The following MCM9 variants were observed in gnomAD, a reference collection of about 807,000 sequenced individuals.
MCM9 encodes the protein minichromosome maintenance 9 homologous recombination repair factor.
In MCM9, 55 loss-of-function variants were observed where a neutral mutation model predicts 72.8. The ratio of observed to expected loss-of-function variants is 0.76; its 90% CI spans 0.61 to 0.95. MCM9 has a LOEUF of 0.95. Among genes scored for constraint, MCM9 ranks in the 40% least tolerant of loss-of-function variants. The pLI, the probability that MCM9 is intolerant of heterozygous loss-of-function variation, is 0.00. For missense variants in MCM9, 1,279 were observed against 1,377.0 expected (o/e 0.93, Z 1.13); for synonymous variants, 480 against 503.4 (o/e 0.95, Z 0.62).
At chr6:118,900,917 T>C (rs1170337317) in intron 8 of MCM9, 4 of 1,378,396 alleles carry the variant, frequency 2.9e-6, no homozygotes, top group Non-Finnish European at 3.1e-6. Context: ...ATGCCAAATA[T>C]GTTTCGAAGT....
intron 8 of MCM9, among the ~76,000 whole-genome samples, chr6:118,891,841 C>T (rs1778965986): frequency 6.6e-6 from 1 of 152,170 alleles, no homozygotes; most frequent in Non-Finnish European, 1.5e-5. Flanking sequence ...GCCATCCTTC[C>T]CCCAAGTAAC....
chr6:118,843,767 CCAGT>C (rs1342812116), intron 9 of MCM9, among the ~76,000 whole-genome samples: 1 of 139,126 alleles, frequency 7.2e-6, no homozygotes, highest in African/African-American at 2.7e-5. Flanking sequence ...GCCTTGGAGA[CCAGT>C]CAGATATTCT....
At chr6:118,828,735 A>G (rs1264187190) in intron 10 of MCM9, among the ~76,000 whole-genome samples, 1 of 152,198 alleles carries the variant, frequency 6.6e-6, no homozygotes, top group Non-Finnish European at 1.5e-5. Flanking sequence ...TTGTTTCACA[A>G]TTCATTCTGG....
At chr6:118,913,078 T>C (rs1295148005) in intron 7 of MCM9, 3 of 529,906 alleles carry the variant, frequency 5.7e-6, no homozygotes, top group Admixed American at 3.4e-5. Flanking sequence ...GTATATGCCA[T>C]AGAAAAATGT....
intron 9 of MCM9, among the ~76,000 whole-genome samples, chr6:118,851,622 T>A (rs1197116056): frequency 6.6e-6 from 1 of 151,866 alleles, no homozygotes; most frequent in African/African-American, 2.4e-5. Flanking sequence ...TATAGTAATC[T>A]TTAAATGAAA....
At chr6:118,907,434 G>A in intron 8 of MCM9, 9 of 1,608,976 alleles carry the variant, frequency 5.6e-6, no homozygotes, top group Non-Finnish European at 7.6e-6. Context: ...CTAATCCCAG[G>A]GTCACAAGAT....
rs147005716 is a variant in MCM9 at position 118,912,046 on chromosome 6, C to T, written c.1031-277G>A. 1,784 of 203,878 alleles carry T rather than the reference C, an allele frequency of 8.8e-3. 19 individuals carry two copies. Among genetic ancestry groups the T allele is most frequent in the South Asian group, 0.028 (208 of 7,482 alleles). 12.6% of individuals were successfully genotyped at this position (203,878 alleles called of 1,614,324 possible). ...TTTAAAAAATATCTGGGGCCAGGTG[C>T]GGTGGCTCACACTTGTAATCCCAGC... On this transcript the variant is annotated intron_variant, in intron 7 of 13. Coordinates refer to ENST00000619706, the MANE Select transcript of MCM9 (RefSeq NM_017696.3).
rs1034462457 is a variant in MCM9 at position 118,832,065 on chromosome 6, C to G, written c.1326-2815G>C. On this transcript the variant is annotated intron_variant, in intron 9 of 13. Transcript: ENST00000619706. The stretch of plus-strand genomic sequence containing the variant: ...TTTCGGCATCAACTTATTTGCCTTA[C>G]TTATTTTTTTTAAAAGACATGGTCT... 2.6e-5 allele frequency among the ~76,000 whole-genome samples: 4 copies of G among 152,122 alleles called. 1 individual carries two copies. The highest frequency in any genetic ancestry group is 5.9e-5 in the Non-Finnish European group (4 of 68,020).
intron 8 of MCM9, among the ~76,000 whole-genome samples, chr6:118,872,318 C>CCA (rs1554258892): frequency 1.4e-5 from 2 of 140,048 alleles, no homozygotes; most frequent in Non-Finnish European, 3.1e-5. Flanking sequence ...GACTCCATCT[C>CCA]AAAAAAAAAA....
At chr6:118,912,823 G>A in intron 7 of MCM9, 1 of 155,180 alleles carries the variant, frequency 6.4e-6, no homozygotes, top group Non-Finnish European at 1.4e-5. Flanking sequence ...ACCTGCAGCA[G>A]CACCCCATGG....
chr6:118,841,670 G>A (rs145672351), intron 9 of MCM9, among the ~76,000 whole-genome samples: 2 of 152,244 alleles, frequency 1.3e-5, no homozygotes, highest in East Asian at 3.9e-4. Flanking sequence ...TAGAATCACA[G>A]TATACAATAA....
rs1773364957 is a variant in MCM9 at position 118,815,629 on chromosome 6, G to A, written c.2627C>T (p.Pro876Leu). Residue 876 changes from proline (P) to leucine (L), a missense_variant, in exon 14 of 14, where the codon CCT becomes CTT. Coordinates refer to ENST00000619706, the MANE Select transcript of MCM9 (RefSeq NM_017696.3). ...TGGGCTATGTACAGGAGTGGACTGA[G>A]GATGGGAAGGGACTGTGCACTGTGC... ...VPAQCTVPSHPQSTPVHSPDR... is the reference protein window; with the variant it reads ...VPAQCTVPSHLQSTPVHSPDR... 2.6e-6 allele frequency: 4 copies of A among 1,550,476 alleles called. No homozygotes were observed. In the East Asian group the frequency reaches 9.8e-5, roughly 38 times the overall value.
intron 8 of MCM9, among the ~76,000 whole-genome samples, chr6:118,890,928 G>A (rs1488477293): frequency 6.6e-6 from 1 of 152,184 alleles, no homozygotes; most frequent in African/African-American, 2.4e-5. Context: ...TTGAACAAAA[G>A]CTAGAGGTTA....
At chr6:118,872,434 T>A (rs924357906) in intron 8 of MCM9, among the ~76,000 whole-genome samples, 1 of 151,654 alleles carries the variant, frequency 6.6e-6, no homozygotes, top group African/African-American at 2.4e-5. Flanking sequence ...CAAGAGAAAT[T>A]TAAAAACATT....
At chr6:118,883,663 G>C (rs1778432177) in intron 8 of MCM9, among the ~76,000 whole-genome samples, 1 of 151,872 alleles carries the variant, frequency 6.6e-6, no homozygotes, top group Non-Finnish European at 1.5e-5. Flanking sequence ...GTGGAGGCCA[G>C]AGGCAGTGGG....
At chr6:118,826,886 G>GT (rs1466797301) in intron 11 of MCM9, 22 bp from the exon 12 acceptor site, 1 of 1,536,504 alleles carries the variant, frequency 6.5e-7, no homozygotes, top group Non-Finnish European at 8.8e-7. Context: ...AAACACATTT[G>GT]TTTTTTAGGA....
At chr6:118,931,812 G>A (rs1782463239) in intron 2 of MCM9, 74 bp from the exon 3 acceptor site, 5 of 1,146,914 alleles carry the variant, frequency 4.4e-6, no homozygotes, top group Non-Finnish European at 6.0e-6. Flanking sequence ...AAAACGATTG[G>A]TTATAAATCA....
chr6:118,847,607 T>C (rs74220902), intron 9 of MCM9, among the ~76,000 whole-genome samples: 26,005 of 150,510 alleles, frequency 0.17, 2,605 homozygotes, highest in African/African-American at 0.22. Flanking sequence ...CTAGGAAAAA[T>C]TCTAACAAAT....
Position 118,931,669 on chromosome 6 carries a change from C to A in MCM9, c.55G>T (p.Glu19Ter). 6.2e-7 allele frequency: 1 copy of A among 1,613,934 alleles called. No homozygotes were observed. Among genetic ancestry groups the A allele is most frequent in the East Asian group, 2.2e-5 (1 of 44,882 alleles). Reference protein sequence around the residue: ...VGQVFESYVSEYHKNDILLIL... With the variant: ...VGQVFESYVS The stretch of plus-strand genomic sequence containing the variant: ...AGAAGAATATCATTCTTATGGTATT[C>A]CGAAACATATGACTCAAACACTTGA... Residue 19 changes from glutamate (E) to a stop codon, truncating the protein, a stop_gained, in exon 3 of 14, where the codon GAA becomes TAA. Coordinates refer to ENST00000619706, the MANE Select transcript of MCM9 (RefSeq NM_017696.3). LOFTEE classifies it high-confidence loss of function.
Sources: gnomAD v4.1 joint callset for allele counts (sites outside exome capture counted in the v4.1 genomes callset) on GRCh38, gnomAD v4.1.1 for gene constraint, MANE v1.5 for transcripts, NCBI Gene and HGNC (gene_info 2026-07-23, HGNC 2026-07-21) for gene names.